The following NRXN1 variants were observed in gnomAD, a reference collection of about 807,000 sequenced individuals.
NRXN1 encodes neurexin-1.
A neutral mutation model predicts 150.9 loss-of-function variants in NRXN1; 39 were observed. The ratio of observed to expected loss-of-function variants is 0.26; its 90% CI spans 0.20 to 0.34. NRXN1 has a LOEUF of 0.34. Ranked by LOEUF, NRXN1 falls within the 10% of genes least tolerant of loss-of-function variation. The probability of loss-of-function intolerance (pLI) is 1.00; values close to 1 mark genes in which losing one functional copy is unlikely to be tolerated. For synonymous variants in NRXN1, 924 were observed against 757.0 expected, an observed-to-expected ratio of 1.22 and a Z score of -3.62; for missense variants, 1,815 against 1,949.9, an observed-to-expected ratio of 0.93 and a Z score of 1.30.
chr2:50,204,306 A>C (rs963558145), intron 18 of NRXN1, among the ~76,000 whole-genome samples: 5 of 151,874 alleles, frequency 3.3e-5, no homozygotes, highest in Non-Finnish European at 7.4e-5. Context: ...ATTAACAAAA[A>C]ATAAAGTTAT....
At chr2:50,970,180 T>C (rs1694781865) in intron 2 of NRXN1, among the ~76,000 whole-genome samples, 2 of 152,152 alleles carry the variant, frequency 1.3e-5, no homozygotes, top group Non-Finnish European at 1.5e-5. Flanking sequence ...TGTAGGTTTT[T>C]ATGGCTGGCT....
At chr2:50,190,405 T>A (rs2061368149) in intron 18 of NRXN1, among the ~76,000 whole-genome samples, 1 of 152,152 alleles carries the variant, frequency 6.6e-6, no homozygotes, top group South Asian at 2.1e-4. Context: ...AAGAGAATTT[T>A]GTCTGAAATA....
chr2:50,413,945 C>T (rs2104131134), intron 17 of NRXN1, among the ~76,000 whole-genome samples: 1 of 149,466 alleles, frequency 6.7e-6, no homozygotes, highest in South Asian at 2.1e-4. Context: ...ACAAATATCA[C>T]ATGTTCTCAC....
intron 22 of NRXN1, among the ~76,000 whole-genome samples, chr2:49,939,382 T>A (rs1445750174): frequency 6.6e-6 from 1 of 152,236 alleles, no homozygotes; most frequent in Non-Finnish European, 1.5e-5. Context: ...GGTTCAGGTT[T>A]CTACCTGTTC....
chr2:50,671,741 A>T (rs1688883157), intron 5 of NRXN1, among the ~76,000 whole-genome samples: 1 of 151,798 alleles, frequency 6.6e-6, no homozygotes, highest in Admixed American at 6.6e-5. Flanking sequence ...TTCAGCAGTA[A>T]ATTTTAACCA....
chr2:50,373,686 A>AGAAG (rs1394620999), intron 17 of NRXN1, among the ~76,000 whole-genome samples: 2 of 114,824 alleles, frequency 1.7e-5, no homozygotes, highest in African/African-American at 6.6e-5. Context: ...AAGAAAAGAA[A>AGAAG]GAAGGAAAGA....
chr2:50,064,356 CAAT>C (rs1300939761), intron 19 of NRXN1, among the ~76,000 whole-genome samples: 1 of 151,682 alleles, frequency 6.6e-6, no homozygotes, highest in African/African-American at 2.4e-5. Context: ...AATTACAAGT[CAAT>C]GATTTATAGT....
intron 2 of NRXN1, among the ~76,000 whole-genome samples, chr2:51,011,051 G>C (rs781328678): frequency 1.3e-5 from 2 of 151,972 alleles, no homozygotes; most frequent in Non-Finnish European, 1.5e-5. Flanking sequence ...TGAGATTACA[G>C]GAATGAGCCA....
intron 18 of NRXN1, among the ~76,000 whole-genome samples, chr2:50,223,430 C>T (rs1051294948): frequency 2.6e-5 from 4 of 151,788 alleles, no homozygotes; most frequent in Admixed American, 2.0e-4. Flanking sequence ...TATTTGGAGG[C>T]GGAGCTAGAA....
chr2:49,959,736 G>C (rs1197936597), intron 21 of NRXN1, among the ~76,000 whole-genome samples: 3 of 152,258 alleles, frequency 2.0e-5, no homozygotes, highest in South Asian at 2.1e-4. Flanking sequence ...ACTGTTCCTG[G>C]TGCGTGATAA....
At chr2:50,968,159 C>A (rs763250104) in intron 2 of NRXN1, among the ~76,000 whole-genome samples, 2 of 151,958 alleles carry the variant, frequency 1.3e-5, no homozygotes, top group African/African-American at 4.8e-5. Flanking sequence ...TTGGTCCTAC[C>A]CATTCTCTTT....
intron 17 of NRXN1, among the ~76,000 whole-genome samples, chr2:50,309,352 T>C (rs1415225822): frequency 1.3e-5 from 2 of 152,192 alleles, no homozygotes; most frequent in African/African-American, 2.4e-5. Context: ...AGTTCTGGCT[T>C]CCATTGGTAT....
chr2:50,617,435 TA>T (rs879749052), intron 8 of NRXN1, among the ~76,000 whole-genome samples: 624 of 138,526 alleles, frequency 4.5e-3, no homozygotes, highest in Non-Finnish European at 4.0e-3. Context: ...CTCCATCTCT[TA>T]AAAAAAAAAA....
At chr2:50,579,650 C>A (rs543115160) in intron 8 of NRXN1, among the ~76,000 whole-genome samples, 5 of 151,896 alleles carry the variant, frequency 3.3e-5, no homozygotes, top group Non-Finnish European at 5.9e-5. Flanking sequence ...AAAACAAATA[C>A]AAAAATAAAA....
chr2:50,018,770 G>A (rs986017451), intron 21 of NRXN1, among the ~76,000 whole-genome samples: 1 of 152,096 alleles, frequency 6.6e-6, no homozygotes, highest in Non-Finnish European at 1.5e-5. Flanking sequence ...CACATCCTTA[G>A]CAATTAACTG....
chr2:50,058,734 T>G (rs1694032744), intron 19 of NRXN1, among the ~76,000 whole-genome samples: 1 of 152,188 alleles, frequency 6.6e-6, no homozygotes, highest in East Asian at 1.9e-4. Flanking sequence ...GGGGGTGGGT[T>G]TTTCCCATGC....
At chr2:50,199,504 T>G (rs2062007919) in intron 18 of NRXN1, among the ~76,000 whole-genome samples, 1 of 149,374 alleles carries the variant, frequency 6.7e-6, no homozygotes, top group Non-Finnish European at 1.5e-5. Context: ...GCCAAAGTAA[T>G]CGCTCTCTCT....
At chr2:50,030,341 A>G (rs12469906) in intron 21 of NRXN1, among the ~76,000 whole-genome samples, 111,079 of 152,074 alleles carry the variant, frequency 0.73, 41,412 homozygotes, top group East Asian at 0.95. Flanking sequence ...AAGGACCTGC[A>G]TGCCATACTT....
chr2:50,559,741 T>C (rs1261044994), intron 8 of NRXN1, among the ~76,000 whole-genome samples: 2 of 152,152 alleles, frequency 1.3e-5, no homozygotes, highest in Admixed American at 6.5e-5. Flanking sequence ...TCAACAGATA[T>C]ATAGATAAGT....
Sources: allele counts gnomAD v4.1 joint callset (sites outside exome capture counted in the v4.1 genomes callset), GRCh38; gene constraint gnomAD v4.1.1; transcripts MANE v1.5; gene names NCBI Gene and HGNC (gene_info 2026-07-23, HGNC 2026-07-21).